SPMIP7: variants seen among roughly 807,000 people sequenced by gnomAD.
SPMIP7 encodes the protein protein SPMIP7.
chr7:50,097,302 A>AT, the SPMIP7 span, among the ~76,000 whole-genome samples: 1 of 152,222 alleles, frequency 6.6e-6, no homozygotes, highest in African/African-American at 2.4e-5. Flanking sequence ...AAAGATCAAC[A>AT]TTTTTAGCAT....
At chr7:50,145,917 T>C in the SPMIP7 span, among the ~76,000 whole-genome samples, 1 of 151,872 alleles carries the variant, frequency 6.6e-6, no homozygotes, top group African/African-American at 2.4e-5. Context: ...AGGTTTCATA[T>C]TTACTGTGCT....
the SPMIP7 span, among the ~76,000 whole-genome samples, chr7:50,145,654 A>G: frequency 8.6e-6 from 1 of 116,528 alleles, no homozygotes; most frequent in Non-Finnish European, 1.8e-5. Context: ...ATATATATAT[A>G]TATATACATC....
At chr7:50,134,896 C>T in the SPMIP7 span, among the ~76,000 whole-genome samples, 4 of 152,116 alleles carry the variant, frequency 2.6e-5, no homozygotes, top group African/African-American at 9.7e-5. Context: ...AAAATAAAAT[C>T]CACACTCCTT....
At chr7:50,144,249 A>G in the SPMIP7 span, among the ~76,000 whole-genome samples, 3 of 152,330 alleles carry the variant, frequency 2.0e-5, no homozygotes, top group Admixed American at 1.3e-4. Context: ...TAATTCAGAT[A>G]TTTTTGAAGT....
the SPMIP7 span, chr7:50,117,144 A>G: frequency 7.3e-6 from 3 of 410,098 alleles, no homozygotes; most frequent in South Asian, 1.8e-5. Flanking sequence ...GCTTTTCTGC[A>G]AATGAAAATA....
the SPMIP7 span, among the ~76,000 whole-genome samples, chr7:50,140,859 G>A: frequency 6.6e-6 from 1 of 152,282 alleles, no homozygotes; most frequent in East Asian, 1.9e-4. Flanking sequence ...CAGGCCCAGG[G>A]GCACGTGGCT....
chr7:50,126,946 C>A, the SPMIP7 span, among the ~76,000 whole-genome samples: 1 of 151,866 alleles, frequency 6.6e-6, no homozygotes, highest in African/African-American at 2.4e-5. Flanking sequence ...CCTGGAATAG[C>A]CAAAGCAATG....
At chr7:50,100,291 G>A in the SPMIP7 span, among the ~76,000 whole-genome samples, 2 of 152,228 alleles carry the variant, frequency 1.3e-5, no homozygotes, top group African/African-American at 4.8e-5. Context: ...ACCAGGGGCA[G>A]GGAATCTGCA....
At chr7:50,110,264 C>T in the SPMIP7 span, among the ~76,000 whole-genome samples, 1 of 151,090 alleles carries the variant, frequency 6.6e-6, no homozygotes, top group Non-Finnish European at 1.5e-5. Context: ...AAACCAAAAT[C>T]AATGATAATA....
At chr7:50,146,556 T>C in the SPMIP7 span, among the ~76,000 whole-genome samples, 1 of 152,228 alleles carries the variant, frequency 6.6e-6, no homozygotes, top group African/African-American at 2.4e-5. Flanking sequence ...TCTTATGATA[T>C]TCAGAAAAAT....
chr7:50,131,610 G>T, the SPMIP7 span, among the ~76,000 whole-genome samples: 389 of 152,264 alleles, frequency 2.6e-3, 1 homozygote, highest in African/African-American at 9.0e-3. Flanking sequence ...GAAAAAAAGA[G>T]GAGAAGCCAG....
chr7:50,112,327 A>G, the SPMIP7 span, among the ~76,000 whole-genome samples: 1 of 152,132 alleles, frequency 6.6e-6, no homozygotes, highest in African/African-American at 2.4e-5. Context: ...AATGTGTTAA[A>G]CCATGGTTTC....
the SPMIP7 span, among the ~76,000 whole-genome samples, chr7:50,121,991 G>A: frequency 6.6e-6 from 1 of 151,990 alleles, no homozygotes; most frequent in Non-Finnish European, 1.5e-5. Flanking sequence ...AGGTTCCAGG[G>A]ATTTGAACAT....
the SPMIP7 span, among the ~76,000 whole-genome samples, chr7:50,147,821 T>A: frequency 0.36 from 54,927 of 152,030 alleles, 10,189 homozygotes; most frequent in South Asian, 0.43. Flanking sequence ...CTGGCTTATT[T>A]GGAACTAGGG....
chr7:50,111,105 T>A, the SPMIP7 span, among the ~76,000 whole-genome samples: 5 of 146,556 alleles, frequency 3.4e-5, no homozygotes, highest in African/African-American at 5.0e-5. Context: ...TGTGTATATG[T>A]TATATATATA....
the SPMIP7 span, among the ~76,000 whole-genome samples, chr7:50,147,031 GTGTC>G: frequency 6.6e-6 from 1 of 152,194 alleles, no homozygotes; most frequent in African/African-American, 2.4e-5. Flanking sequence ...GGAATTAAAT[GTGTC>G]TGTCTCACAC....
chr7:50,129,716 G>A, the SPMIP7 span: 1 of 1,540,808 alleles, frequency 6.5e-7, no homozygotes, highest in East Asian at 2.5e-5. Flanking sequence ...ATGCCTTCTA[G>A]GATGAAGGTG....
chr7:50,113,789 T>A, the SPMIP7 span, among the ~76,000 whole-genome samples: 7 of 152,018 alleles, frequency 4.6e-5, no homozygotes, highest in African/African-American at 1.7e-4. Context: ...TCCTAACTGA[T>A]CAAAATTATA....
At chr7:50,125,422 A>AAAATGAT in the SPMIP7 span, among the ~76,000 whole-genome samples, 4 of 148,630 alleles carry the variant, frequency 2.7e-5, no homozygotes, top group Non-Finnish European at 3.0e-5. Flanking sequence ...AGAAACTAGA[A>AAAATGAT]AAATGATTAA....
Sources: allele counts gnomAD v4.1 joint callset (sites outside exome capture counted in the v4.1 genomes callset), GRCh38; gene constraint gnomAD v4.1.1; transcripts MANE v1.5; gene names NCBI Gene and HGNC (gene_info 2026-07-23, HGNC 2026-07-21).